Variants in KLF8 observed in about 807,000 individuals in gnomAD.
KLF8 encodes the protein KLF transcription factor 8, also known as Krueppel-like factor 8.
In KLF8, 10 loss-of-function variants were observed where a neutral mutation model predicts 18.2. The ratio of observed to expected loss-of-function variants is 0.55; its 90% confidence interval spans 0.34 to 0.93. The LOEUF (loss-of-function observed/expected upper bound fraction) is 0.93. KLF8 is among the 40% of genes least tolerant of loss of function. The pLI, the probability that KLF8 is intolerant of heterozygous loss-of-function variation, is 0.02. For missense variants in KLF8, 264 were observed against 277.9 expected, an observed-to-expected ratio of 0.95 and a Z score of 0.36; for synonymous variants, 109 against 97.3, an observed-to-expected ratio of 1.12 and a Z score of -0.71.
chrX:56,212,297 C>T, the KLF8 span, among the ~76,000 whole-genome samples: 2 of 111,736 alleles, frequency 1.8e-5, no homozygotes, highest in Non-Finnish European at 3.8e-5. Context: ...TAGGGTGATG[C>T]TTACACTCCC....
At chrX:56,042,095 T>G in the KLF8 span, among the ~76,000 whole-genome samples, 1 of 112,170 alleles carries the variant, frequency 8.9e-6, no homozygotes, top group East Asian at 2.8e-4. Context: ...CTCATTAGTT[T>G]CACAGAACTT....
the KLF8 span, among the ~76,000 whole-genome samples, chrX:56,181,901 C>G: frequency 9.1e-6 from 1 of 109,558 alleles, no homozygotes; most frequent in African/African-American, 3.4e-5. Flanking sequence ...ACATTTTTTC[C>G]TTCATTTTAA....
the KLF8 span, among the ~76,000 whole-genome samples, chrX:56,054,678 G>T: frequency 1.8e-5 from 2 of 111,291 alleles, no homozygotes; most frequent in African/African-American, 6.5e-5. Context: ...CTAATATGTT[G>T]AGTGTTGTGT....
chrX:56,263,774 G>A (rs747230179), intron 2 of KLF8, among the ~76,000 whole-genome samples: 1 of 111,443 alleles, frequency 9.0e-6, no homozygotes, highest in African/African-American at 3.3e-5. Flanking sequence ...ATGTCTCATC[G>A]AGATTTTTCC....
chrX:56,112,568 CT>C, the KLF8 span, among the ~76,000 whole-genome samples: 1 of 111,761 alleles, frequency 8.9e-6, no homozygotes, highest in Non-Finnish European at 1.9e-5. Context: ...CCTTTTCTCC[CT>C]TTTGGACCTC....
chrX:56,026,414 C>T, the KLF8 span, among the ~76,000 whole-genome samples: 2 of 111,674 alleles, frequency 1.8e-5, no homozygotes, highest in Admixed American at 9.5e-5. Context: ...GGGGAGTACC[C>T]GGAAGTCCTC....
At chrX:56,056,860 C>T in the KLF8 span, among the ~76,000 whole-genome samples, 3 of 101,430 alleles carry the variant, frequency 3.0e-5, no homozygotes, top group Middle Eastern at 5.7e-3. Flanking sequence ...AAAAGAAATG[C>T]ACTACACTGA....
chrX:56,076,190 G>A, the KLF8 span, among the ~76,000 whole-genome samples: 8,833 of 106,514 alleles, frequency 0.083, 887 homozygotes, highest in African/African-American at 0.29. Context: ...TGTACAATGT[G>A]CAGGTTAGTT....
At chrX:56,246,770 G>A (rs1194578733) in intron 1 of KLF8, among the ~76,000 whole-genome samples, 2 of 111,562 alleles carry the variant, frequency 1.8e-5, no homozygotes, top group Admixed American at 1.9e-4. Context: ...GGAGAGAGGA[G>A]TCAAAGGTGG....
At chrX:56,036,448 A>G in the KLF8 span, among the ~76,000 whole-genome samples, 11 of 111,841 alleles carry the variant, frequency 9.8e-5, no homozygotes, top group Non-Finnish European at 1.5e-4. Flanking sequence ...CCTTTCCCCA[A>G]TGAATGTTCT....
the KLF8 span, among the ~76,000 whole-genome samples, chrX:56,159,020 G>A: frequency 1.8e-5 from 2 of 111,421 alleles, no homozygotes; most frequent in African/African-American, 3.3e-5. Flanking sequence ...ATTGGATGTG[G>A]GTTTGTCATA....
At chrX:56,155,931 TA>T in the KLF8 span, among the ~76,000 whole-genome samples, 1 of 112,033 alleles carries the variant, frequency 8.9e-6, no homozygotes, top group Non-Finnish European at 1.9e-5. Flanking sequence ...GTTACTGCAT[TA>T]ATTTGCTTAA....
the KLF8 span, among the ~76,000 whole-genome samples, chrX:56,127,503 T>TA: frequency 1.7e-4 from 19 of 109,290 alleles, no homozygotes; most frequent in Middle Eastern, 4.7e-3. Flanking sequence ...TTTACAAAAA[T>TA]AAAAAAAATA....
At chrX:56,174,558 T>C in the KLF8 span, among the ~76,000 whole-genome samples, 2 of 111,766 alleles carry the variant, frequency 1.8e-5, no homozygotes, top group African/African-American at 6.5e-5. Context: ...TAAAATTCTC[T>C]TTTTTTGTTG....
At chrX:56,235,735 T>A (rs1470731056) in intron 1 of KLF8, among the ~76,000 whole-genome samples, 2 of 111,687 alleles carry the variant, frequency 1.8e-5, no homozygotes, top group Non-Finnish European at 3.8e-5. Context: ...TTTTATATGC[T>A]AATGTTTACT....
the KLF8 span, among the ~76,000 whole-genome samples, chrX:56,005,024 TTTATGATTA>T: frequency 5.4e-5 from 3 of 55,643 alleles, no homozygotes; most frequent in African/African-American, 2.7e-4. Context: ...ACCTTTATCC[TTTATGATTA>T]TTATTATTAT....
In KLF8 at chrX:56,232,766, G is replaced by A. The variant is rs2066416424; in HGVS notation, c.-569G>A. 8.8e-6 allele frequency: 1 copy of A among 114,197 alleles called. No individual in the cohort carries two copies. 9.4% of individuals were successfully genotyped at this position (114,197 alleles called of 1,213,427 possible). Reference sequence around the variant, plus strand: ...TTGTGGTATCTCCTCGTGGGTTCCTGTCTTGAAGGATTTCTTCTCCGCCTC... The same window carrying A: ...TTGTGGTATCTCCTCGTGGGTTCCTATCTTGAAGGATTTCTTCTCCGCCTC... On this transcript the variant is annotated 5_prime_UTR_variant, in exon 1 of 6. Coordinates refer to ENST00000468660, the MANE Select transcript of KLF8 (RefSeq NM_007250.5).
chrX:56,080,756 T>G, the KLF8 span, among the ~76,000 whole-genome samples: 30 of 112,011 alleles, frequency 2.7e-4, no homozygotes, highest in East Asian at 7.9e-3. Context: ...TCCAACTTGG[T>G]TCCATTCTCC....
the KLF8 span, among the ~76,000 whole-genome samples, chrX:56,105,107 C>T: frequency 4.1e-4 from 46 of 111,626 alleles, no homozygotes; most frequent in Non-Finnish European, 7.5e-4. Context: ...TGTTCTTTTA[C>T]GTTTGCTGAG....
Sources: gnomAD v4.1 joint callset for allele counts (sites outside exome capture counted in the v4.1 genomes callset) on GRCh38, gnomAD v4.1.1 for gene constraint, MANE v1.5 for transcripts, NCBI Gene and HGNC (gene_info 2026-07-23, HGNC 2026-07-21) for gene names.